The following ZNF718 variants were observed in gnomAD, a reference collection of about 807,000 sequenced individuals.
ZNF718 encodes the protein zinc finger protein 718.
In ZNF718, 3 loss-of-function variants were observed where a neutral mutation model predicts 2.6. The ratio of observed to expected loss-of-function variants is 1.16; its 90% CI spans 0.53 to 3.01. The LOEUF (loss-of-function observed/expected upper bound fraction) is 3.01, where lower values mean the gene tolerates loss of function less well. Among genes scored for constraint, ZNF718 ranks in the 30% most tolerant of loss-of-function variants. The probability of loss-of-function intolerance (pLI) is 0.03; values close to 1 mark genes in which losing one functional copy is unlikely to be tolerated. For missense variants in ZNF718, 468 were observed against 230.0 expected, an observed-to-expected ratio of 2.03 and a Z score of -6.69; for synonymous variants, 135 against 77.9, an observed-to-expected ratio of 1.73 and a Z score of -3.86.
At chr4:192,736 T>G (rs1309579093) in intron 3 of ZNF718, among the ~76,000 whole-genome samples, 1 of 152,196 alleles carries the variant, frequency 6.6e-6, no homozygotes, top group Non-Finnish European at 1.5e-5. Context: ...TAGATCTTAG[T>G]CACGGACTGC....
At chr4:166,551 G>A (rs1717091941), downstream of ZNF718, among the ~76,000 whole-genome samples, 1 of 152,182 alleles carries the variant, frequency 6.6e-6, no homozygotes, top group South Asian at 2.1e-4. Flanking sequence ...TCTAACTGGT[G>A]TGAGGTGGTA....
chr4:178,123 G>C (rs1553819326), intron 3 of ZNF718, among the ~76,000 whole-genome samples: 1 of 151,300 alleles, frequency 6.6e-6, no homozygotes, highest in Non-Finnish European at 1.5e-5. Context: ...TGGGATTGCT[G>C]GATTGTATGA....
At chr4:177,827 C>T (rs139013225) in intron 3 of ZNF718, among the ~76,000 whole-genome samples, 32 of 151,946 alleles carry the variant, frequency 2.1e-4, no homozygotes, top group African/African-American at 7.2e-4. Flanking sequence ...CCCCTAAACT[C>T]AAAGATTTTT....
At position 163,752 on chromosome 4, in the gene ZNF718, A is replaced by G. The variant is rs1553816167; in HGVS notation, c.*1630A>G. 2 of 152,202 alleles carry G rather than the reference A, an allele frequency of 1.3e-5. No homozygotes were observed. The highest frequency in any genetic ancestry group is 2.9e-5 in the Non-Finnish European group (2 of 68,014). 9.4% of individuals were successfully genotyped at this position (152,202 alleles called of 1,614,324 possible). A position where few individuals can be genotyped will look rare whatever the true frequency, so the allele number is the denominator to read the frequency against. On this transcript the variant is annotated 3_prime_UTR_variant, in exon 4 of 4. Coordinates refer to ENST00000510175, the MANE Select transcript of ZNF718 (RefSeq NM_001039127.6). ...TAAAAAATGGTAACAGTATACTTTTAGTAACATAGTTTAATGACATTTCTA... is the reference window on the plus strand; with the variant it reads ...TAAAAAATGGTAACAGTATACTTTTGGTAACATAGTTTAATGACATTTCTA...
rs532771731 is a variant in ZNF718 at position 138,503 on chromosome 4, GCAC to G, written c.226+7002_226+7004del. ...TTGAAAAGTACTCTGTTATGTATGTGCACCACATTTACTTTGTCCATTCATGTA... is the reference window on the plus strand; with the variant it reads ...TTGAAAAGTACTCTGTTATGTATGTGCACATTTACTTTGTCCATTCATGTA... On this transcript the variant is annotated intron_variant, in intron 3 of 3. Transcript: ENST00000510175. Among the ~76,000 whole-genome samples the G allele has an allele frequency of 3.7e-3, 556 of 152,190 alleles. 5 individuals carry two copies. Among genetic ancestry groups the G allele is most frequent in the African/African-American group, 0.013 (528 of 41,520 alleles).
rs1453159094 is a variant in ZNF718, at chr4:133,203, T to C, written c.226+1698T>C. Among the ~76,000 whole-genome samples, 13 of 98,490 alleles carry C rather than the reference T, an allele frequency of 1.3e-4. 2 individuals are homozygous for C. Among genetic ancestry groups the C allele is most frequent in the African/African-American group, 6.9e-4 (13 of 18,918 alleles). The allele number at this position is 98,490 out of a possible 152,430, so 64.6% of individuals were successfully genotyped here. A position where few individuals can be genotyped will look rare whatever the true frequency, so the allele number is the denominator to read the frequency against. ...AAAAAAAAAAAAAAAAAAATATATA[T>C]ATATATATATATATATATATATATA... is the stretch of plus-strand genomic sequence containing the variant. On this transcript the variant is annotated intron_variant, in intron 3 of 3. Transcript: ENST00000510175.
chr4:148,129 G>A (rs1465826156), intron 3 of ZNF718, among the ~76,000 whole-genome samples: 1 of 152,136 alleles, frequency 6.6e-6, no homozygotes, highest in Non-Finnish European at 1.5e-5. Context: ...TGGGCGGGCA[G>A]GACTGCTCCC....
chr4:195,753 A>C (rs1034243661), intron 3 of ZNF718, among the ~76,000 whole-genome samples: 1 of 152,158 alleles, frequency 6.6e-6, no homozygotes, highest in African/African-American at 2.4e-5. Flanking sequence ...TTTTATAGGA[A>C]GTCTACGGGC....
intron 3 of ZNF718, among the ~76,000 whole-genome samples, chr4:176,477 T>C (rs1717348008): frequency 6.6e-6 from 1 of 152,148 alleles, no homozygotes; most frequent in South Asian, 2.1e-4. Context: ...CTCTTATGGG[T>C]GGGTGCTCTT....
chr4:147,333 G>T (rs145243044), intron 3 of ZNF718, among the ~76,000 whole-genome samples: 2 of 152,140 alleles, frequency 1.3e-5, no homozygotes, highest in Non-Finnish European at 2.9e-5. Flanking sequence ...ATGTCCTTGC[G>T]TCTGAAGAAG....
chr4:149,835 A>G (rs1716236313), intron 3 of ZNF718: 1 of 152,134 alleles, frequency 6.6e-6, no homozygotes, highest in African/African-American at 2.4e-5. Context: ...TTTGCAGGTA[A>G]TTTCTGAGGA....
exon 5 of ZNF718, chr4:201,759 C>G (rs1213678435): frequency 5.6e-6 from 1 of 178,330 alleles, no homozygotes; most frequent in African/African-American, 2.4e-5. Context: ...CTGAGGTAAT[C>G]TTTTCTACCT....
At chr4:146,452 T>G (rs1371024463) in intron 3 of ZNF718, among the ~76,000 whole-genome samples, 1 of 152,132 alleles carries the variant, frequency 6.6e-6, no homozygotes, top group Non-Finnish European at 1.5e-5. Context: ...TTCTTGCTTC[T>G]TTTAAGAATC....
chr4:163,447 C>G lies in ZNF718; in HGVS notation c.*1325C>G, dbSNP rs1553816091. The G allele has an allele frequency of 1.3e-5, 2 of 152,164 alleles. No individual in the cohort carries two copies. The highest frequency in any genetic ancestry group is 4.8e-5 in the African/African-American group (2 of 41,438). The allele number at this position is 152,164 out of a possible 1,614,324, so 9.4% of individuals were successfully genotyped here. A position where few individuals can be genotyped will look rare whatever the true frequency, so the allele number is the denominator to read the frequency against. On this transcript the variant is annotated 3_prime_UTR_variant, in exon 4 of 4. Transcript: ENST00000510175. Reference sequence around the variant, plus strand: ...TCGTGATCCGCCCGCCTCGGCCTCCCAAAGTGCTGGGATTACAGGCGTATT... The same window carrying G: ...TCGTGATCCGCCCGCCTCGGCCTCCGAAAGTGCTGGGATTACAGGCGTATT...
chr4:168,663 A>G (rs568367302), downstream of ZNF718, among the ~76,000 whole-genome samples: 1 of 152,172 alleles, frequency 6.6e-6, no homozygotes, highest in Non-Finnish European at 1.5e-5. Context: ...GTATTCTCTG[A>G]TGGTAGTTTG....
intron 3 of ZNF718, among the ~76,000 whole-genome samples, chr4:189,443 G>A (rs116325842): frequency 6.2e-4 from 94 of 151,564 alleles, no homozygotes; most frequent in Non-Finnish European, 1.1e-3. Flanking sequence ...TTAGTATGTC[G>A]ATTACTGTTA....
chr4:198,853 T>C (rs1717843063), intron 3 of ZNF718, among the ~76,000 whole-genome samples: 1 of 152,196 alleles, frequency 6.6e-6, no homozygotes, highest in Non-Finnish European at 1.5e-5. Context: ...TATTAACTGA[T>C]GGTGACTGTG....
chr4:150,825 C>A (rs560303491), intron 3 of ZNF718, among the ~76,000 whole-genome samples: 18 of 152,062 alleles, frequency 1.2e-4, no homozygotes, highest in Admixed American at 3.9e-4. Context: ...ATAGAACTAA[C>A]ATGCTTCAGC....
chr4:150,936 G>A (rs1030833565), intron 3 of ZNF718, among the ~76,000 whole-genome samples: 7 of 152,002 alleles, frequency 4.6e-5, no homozygotes, highest in Non-Finnish European at 1.0e-4. Context: ...TTGTCTAGGT[G>A]ATGAGTCAAA....
Sources: allele counts gnomAD v4.1 joint callset (sites outside exome capture counted in the v4.1 genomes callset), GRCh38; gene constraint gnomAD v4.1.1; transcripts MANE v1.5; gene names NCBI Gene and HGNC (gene_info 2026-07-23, HGNC 2026-07-21).